PAK3: variants seen among roughly 807,000 people sequenced by gnomAD.
PAK3 encodes p21 (RAC1) activated kinase 3, also known as serine/threonine-protein kinase PAK 3.
PAK3 carries 4 observed loss-of-function variants against 41.0 expected under a neutral mutation model. The ratio of observed to expected loss-of-function variants is 0.10; its 90% confidence interval spans 0.05 to 0.22. The LOEUF (loss-of-function observed/expected upper bound fraction) is 0.22. PAK3 is among the 10% of genes least tolerant of loss of function. The pLI, the probability that PAK3 is intolerant of heterozygous loss-of-function variation, is 1.00. For missense variants in PAK3, 205 were observed against 409.9 expected (o/e 0.50, Z 4.32); for synonymous variants, 146 against 139.6 (o/e 1.05, Z -0.32).
At chrX:111,095,898 C>A (rs1350620688), upstream of PAK3, among the ~76,000 whole-genome samples, 3 of 111,599 alleles carry the variant, frequency 2.7e-5, no homozygotes, top group Non-Finnish European at 5.7e-5. Flanking sequence ...ACTCTCCCCT[C>A]CTCTCCATCC....
At chrX:111,142,294 T>A in intron 6 of PAK3, 98 bp downstream of exon 6, 1 of 583,437 alleles carries the variant, frequency 1.7e-6, no homozygotes, top group Non-Finnish European at 3.1e-6. Context: ...ATGTCAGACT[T>A]AATATTTTTG....
At chrX:110,957,763 A>C (rs748755426) in intron 1 of PAK3, among the ~76,000 whole-genome samples, 1 of 111,752 alleles carries the variant, frequency 8.9e-6, no homozygotes, top group South Asian at 3.8e-4. Context: ...AGACCATGTC[A>C]CTTCTTTCTT....
At chrX:110,967,425 T>C (rs2091104270) in intron 1 of PAK3, among the ~76,000 whole-genome samples, 1 of 111,087 alleles carries the variant, frequency 9.0e-6, no homozygotes, top group African/African-American at 3.3e-5. Flanking sequence ...GACAAAGGCA[T>C]AACTAGGGGC....
In PAK3 at chrX:110,968,802, G is replaced by T. The variant is rs908141689; in HGVS notation, c.-28+24174G>T. 2.7e-5 allele frequency among the ~76,000 whole-genome samples: 3 copies of T among 110,356 alleles called. No individual in the cohort carries two copies. In the Admixed American group the frequency reaches 2.9e-4, roughly 11 times the overall value. On this transcript the variant is annotated intron_variant, in intron 1 of 14. Transcript: ENST00000425146. ...GCTTTTCTTTTCATTCTGTTAACAG[G>T]GTCTTTCATGGAGTAAAGTTTTTAA...
At chrX:111,065,609 T>C (rs1052292488) in intron 1 of PAK3, among the ~76,000 whole-genome samples, 1 of 111,984 alleles carries the variant, frequency 8.9e-6, no homozygotes, top group African/African-American at 3.2e-5. Context: ...CTTCAATTTG[T>C]TTGAAATAGT....
intron 5 of PAK3, 65 bp downstream of exon 5, chrX:111,123,343 TTAGG>T (rs1333683526): frequency 1.0e-6 from 1 of 981,974 alleles, no homozygotes; most frequent in Non-Finnish European, 1.4e-6. Flanking sequence ...ACTTTCTTTC[TTAGG>T]TAGTTGTTTC....
intron 6 of PAK3, chrX:111,144,959 A>G (rs1008969824): frequency 3.5e-5 from 28 of 792,534 alleles, no homozygotes; most frequent in Non-Finnish European, 5.2e-5. Context: ...TTATGATAAG[A>G]TAAATGCTTG....
intron 1 of PAK3, among the ~76,000 whole-genome samples, chrX:111,078,856 T>C (rs961769073): frequency 8.9e-6 from 1 of 111,995 alleles, no homozygotes; most frequent in African/African-American, 3.2e-5. Context: ...ACATGAATGA[T>C]GAGAAAACAA....
At chrX:111,077,324 G>C (rs1469815642) in intron 1 of PAK3, among the ~76,000 whole-genome samples, 1 of 111,830 alleles carries the variant, frequency 8.9e-6, no homozygotes, top group Non-Finnish European at 1.9e-5. Flanking sequence ...TATTTGTGTG[G>C]AGACACAAAA....
upstream of PAK3, among the ~76,000 whole-genome samples, chrX:111,094,932 G>A (rs760646398): frequency 1.1e-3 from 120 of 110,713 alleles, no homozygotes; most frequent in Middle Eastern, 4.7e-3. Flanking sequence ...CAGGTGATCC[G>A]CCCGCCTGGG....
At chrX:111,002,474 G>A (rs1360173952) in intron 1 of PAK3, among the ~76,000 whole-genome samples, 1 of 111,391 alleles carries the variant, frequency 9.0e-6, no homozygotes, top group Non-Finnish European at 1.9e-5. Flanking sequence ...TCTGCTTTTG[G>A]GGCTCCATAC....
At chrX:111,038,424 G>A (rs930192180) in intron 1 of PAK3, among the ~76,000 whole-genome samples, 8 of 112,320 alleles carry the variant, frequency 7.1e-5, no homozygotes, top group Admixed American at 1.9e-4. Flanking sequence ...TCTTACAGAA[G>A]CAATGGCTTC....
intron 11 of PAK3, among the ~76,000 whole-genome samples, chrX:111,186,479 G>A (rs1223794305): frequency 2.7e-5 from 3 of 111,373 alleles, no homozygotes; most frequent in African/African-American, 9.8e-5. Context: ...AAAATCACAA[G>A]CATTCCTATA....
intron 5 of PAK3, among the ~76,000 whole-genome samples, chrX:111,130,542 C>A (rs1192672422): frequency 8.9e-6 from 1 of 111,782 alleles, no homozygotes; most frequent in Admixed American, 9.5e-5. Context: ...CATTAGATAT[C>A]TCATGGCTTT....
chrX:111,216,898 G>A (rs1472220612), intron 17 of PAK3: 4 of 745,100 alleles, frequency 5.4e-6, no homozygotes, highest in East Asian at 3.0e-4. Flanking sequence ...GCTCTTGGCC[G>A]GAGGTAATTC....
chrX:111,142,375 C>A (rs2093884297), intron 6 of PAK3, among the ~76,000 whole-genome samples, 179 bp downstream of exon 6: 1 of 112,555 alleles, frequency 8.9e-6, no homozygotes, highest in Non-Finnish European at 1.9e-5. Context: ...CAGCATTGAC[C>A]AAATTATTTT....
At chrX:110,954,372 G>A (rs2090809621) in intron 1 of PAK3, among the ~76,000 whole-genome samples, 1 of 112,388 alleles carries the variant, frequency 8.9e-6, no homozygotes, top group Admixed American at 9.4e-5. Flanking sequence ...CTGCAACTCT[G>A]TTAGGTTAAT....
intron 1 of PAK3, among the ~76,000 whole-genome samples, chrX:110,983,934 T>A (rs1569501540): frequency 8.9e-6 from 1 of 111,906 alleles, no homozygotes; most frequent in African/African-American, 3.3e-5. Flanking sequence ...ACACATCACA[T>A]CCTAGTCATC....
chrX:111,124,867 A>G (rs961692903), intron 5 of PAK3, among the ~76,000 whole-genome samples: 3 of 31,508 alleles, frequency 9.5e-5, no homozygotes, highest in African/African-American at 1.4e-4. Flanking sequence ...GTTCAAGACT[A>G]CTTAAAAGAA....
Sources: allele counts gnomAD v4.1 joint callset (sites outside exome capture counted in the v4.1 genomes callset), GRCh38; gene constraint gnomAD v4.1.1; transcripts MANE v1.5; gene names NCBI Gene and HGNC (gene_info 2026-07-23, HGNC 2026-07-21).